The following VPS53 variants were observed in gnomAD, a reference collection of about 807,000 sequenced individuals.
VPS53 encodes vacuolar protein sorting-associated protein 53 homolog.
VPS53 carries 70 observed loss-of-function variants against 107.0 expected under a neutral mutation model. That is an observed-to-expected ratio of 0.65 (90% confidence interval 0.54 to 0.80). The LOEUF (loss-of-function observed/expected upper bound fraction) is 0.80. VPS53 is among the 30% of genes least tolerant of loss of function. VPS53 has a pLI of 0.00. For missense variants in VPS53, 917 were observed against 1,049.4 expected, an observed-to-expected ratio of 0.87 and a Z score of 1.74; for synonymous variants, 409 against 393.3, an observed-to-expected ratio of 1.04 and a Z score of -0.47.
intron 4 of VPS53, among the ~76,000 whole-genome samples, chr17:686,958 G>A (rs1972607247): frequency 6.6e-6 from 1 of 151,188 alleles, no homozygotes; most frequent in African/African-American, 2.4e-5. Flanking sequence ...ACTAGCCTGG[G>A]CAACATAGCG....
intron 13 of VPS53, among the ~76,000 whole-genome samples, chr17:566,663 T>C (rs538029769): frequency 6.6e-6 from 1 of 152,094 alleles, no homozygotes; most frequent in South Asian, 2.1e-4. Flanking sequence ...CTTATGAGAT[T>C]CTAATCTCTA....
At chr17:579,895 C>T (rs1440317387) in intron 13 of VPS53, among the ~76,000 whole-genome samples, 2 of 151,726 alleles carry the variant, frequency 1.3e-5, no homozygotes, top group Non-Finnish European at 2.9e-5. Flanking sequence ...TACCAGAGAA[C>T]CACCGTCAGG....
At position 656,624 on chromosome 17, in the gene VPS53, T is replaced by C. The variant is rs1351031784; in HGVS notation, c.373-671A>G. ...CAGAAAAGCATATTCAATAGAGAAG[T>C]TGGAAAAATTCCCCAACTTTACTAA... On this transcript the variant is annotated intron_variant, in intron 5 of 21. Coordinates refer to ENST00000437048, the MANE Select transcript of VPS53 (RefSeq NM_001128159.3). Among the ~76,000 whole-genome samples the C allele has an allele frequency of 2.6e-5, 4 of 152,188 alleles. No homozygotes were observed. The East Asian group carries it at 5.8e-4, about 22-fold the overall frequency.
Position 687,153 on chromosome 17 carries a change from T to C in VPS53, c.285+10265A>G, listed in dbSNP as rs571576495. 9.9e-5 allele frequency among the ~76,000 whole-genome samples: 15 copies of C among 151,092 alleles called. 1 individual carries two copies. The highest frequency in any genetic ancestry group is 3.7e-4 in the African/African-American group (15 of 41,070). ...TATAAAAACTAGCCAGGCGTGGTGG[T>C]GGTCGCCTGTAATCTCAGCTACTTG... On this transcript the variant is annotated intron_variant, in intron 4 of 21. Transcript: ENST00000437048.
At chr17:644,928 A>T (rs938839632) in intron 7 of VPS53, among the ~76,000 whole-genome samples, 1 of 152,226 alleles carries the variant, frequency 6.6e-6, no homozygotes, top group Admixed American at 6.5e-5. Context: ...TAACCTACAC[A>T]AAATTATTGC....
intron 15 of VPS53, among the ~76,000 whole-genome samples, chr17:554,287 T>C (rs1162383810): frequency 6.6e-6 from 1 of 152,172 alleles, no homozygotes; most frequent in East Asian, 1.9e-4. Context: ...CTCAACACGC[T>C]CCTGGCGCTC....
intron 13 of VPS53, among the ~76,000 whole-genome samples, chr17:583,041 G>C (rs908201967): frequency 6.6e-6 from 1 of 150,978 alleles, no homozygotes; most frequent in Non-Finnish European, 1.5e-5. Context: ...CATTAGCAGA[G>C]AACCTCCCTC....
intron 19 of VPS53, among the ~76,000 whole-genome samples, chr17:525,775 ATCACTTAAGG>A (rs1909083852): frequency 1.3e-5 from 2 of 152,052 alleles, no homozygotes; most frequent in African/African-American, 4.8e-5. Flanking sequence ...AGGTGGGAGG[ATCACTTAAGG>A]TCAGGAATTT....
chr17:586,999 G>A (rs1047982552), intron 12 of VPS53, among the ~76,000 whole-genome samples: 1 of 151,990 alleles, frequency 6.6e-6, no homozygotes. Context: ...ATAGAGGATT[G>A]TTAACTTTAT....
chr17:611,547 C>A (rs1339142600), intron 11 of VPS53, among the ~76,000 whole-genome samples: 1 of 152,158 alleles, frequency 6.6e-6, no homozygotes, highest in African/African-American at 2.4e-5. Context: ...AAAGTTAAGC[C>A]TAGGGTTACC....
intron 4 of VPS53, among the ~76,000 whole-genome samples, chr17:666,010 A>G (rs972664996): frequency 1.3e-5 from 2 of 151,950 alleles, no homozygotes; most frequent in Admixed American, 6.6e-5. Flanking sequence ...GTCCCGACCA[A>G]AAAAAAAGAT....
chr17:529,398 T>TCACTCACA (rs1909358529), intron 19 of VPS53, among the ~76,000 whole-genome samples: 1 of 150,200 alleles, frequency 6.7e-6, no homozygotes, highest in South Asian at 2.1e-4. Context: ...ACACACACAC[T>TCACTCACA]CACACACACA....
chr17:601,895 T>C lies in VPS53; in HGVS notation c.1118A>G (p.Lys373Arg). Residue 373 changes from lysine to arginine, a missense_variant and splice_region_variant, in exon 12 of 22, where the codon AAA becomes AGA. Physicochemically the swap from Lys to Arg is conservative, Grantham distance 26. Coordinates refer to ENST00000437048, the MANE Select transcript of VPS53 (RefSeq NM_001128159.3). Reference sequence around the variant, plus strand: ...AGATGGGGGTGGAGACTCAAGCTTTTTCTGTTAGGTAGATATGAGAAAGAG... The same window carrying C: ...AGATGGGGGTGGAGACTCAAGCTTTCTCTGTTAGGTAGATATGAGAAAGAG... ...SGCTLTDGTL[K>R]KLESPPPSTN... 1 of 1,581,254 alleles carries C rather than the reference T, an allele frequency of 6.3e-7. No individual in the cohort carries two copies. Among genetic ancestry groups the C allele is most frequent in the Non-Finnish European group, 8.6e-7 (1 of 1,163,298 alleles).
At position 668,559 on chromosome 17, in the gene VPS53, G is replaced by A. The variant is rs79123925; in HGVS notation, c.286-6664C>T. On this transcript the variant is annotated intron_variant, in intron 4 of 21. Coordinates refer to ENST00000437048, the MANE Select transcript of VPS53 (RefSeq NM_001128159.3). ...AGTAAATTCTAAAAAAGTTTCAATC[G>A]TGGAGTAAAAAGTGCAACAGAGGCC... Among the ~76,000 whole-genome samples the A allele has an allele frequency of 4.8e-3, 733 of 152,198 alleles. 6 individuals are homozygous for A. Among genetic ancestry groups the A allele is most frequent in the African/African-American group, 0.017 (695 of 41,524 alleles).
chr17:587,041 T>TA (rs1038712982), intron 12 of VPS53, among the ~76,000 whole-genome samples: 68 of 146,918 alleles, frequency 4.6e-4, no homozygotes, highest in Middle Eastern at 3.6e-3. Flanking sequence ...CACGAGTTCC[T>TA]AAAAAAAAAA....
At chr17:564,933 C>A (rs1014998894) in intron 13 of VPS53, among the ~76,000 whole-genome samples, 3 of 152,156 alleles carry the variant, frequency 2.0e-5, no homozygotes, top group Non-Finnish European at 2.9e-5. Context: ...AGGGTTCCCA[C>A]CACTCCTGAC....
At chr17:601,728 G>A in intron 12 of VPS53, 67 bp downstream of exon 12, 1 of 1,294,922 alleles carries the variant, frequency 7.7e-7, no homozygotes, top group Admixed American at 2.0e-5. Context: ...CGTATCTGGA[G>A]CAAGCAGACC....
intron 2 of VPS53, among the ~76,000 whole-genome samples, chr17:700,622 A>G (rs1334534378): frequency 2.6e-5 from 4 of 152,194 alleles, no homozygotes; most frequent in African/African-American, 9.6e-5. Context: ...TGTGATTATA[A>G]TAAGCTTATT....
At chr17:627,117 G>A in intron 10 of VPS53, 57 bp downstream of exon 10, 1 of 1,573,098 alleles carries the variant, frequency 6.4e-7, no homozygotes, top group Non-Finnish European at 8.6e-7. Flanking sequence ...TTAGAGACTG[G>A]GGAACCGATG....
Sources: allele counts gnomAD v4.1 joint callset (sites outside exome capture counted in the v4.1 genomes callset), GRCh38; gene constraint gnomAD v4.1.1; transcripts MANE v1.5; gene names NCBI Gene and HGNC (gene_info 2026-07-23, HGNC 2026-07-21).